NR3C2: variants seen among roughly 807,000 people sequenced by gnomAD.
NR3C2 encodes the protein mineralocorticoid receptor.
Under a neutral mutation model 86.4 loss-of-function variants are expected in NR3C2, and 15 were observed. The observed-to-expected ratio is 0.17, with a 90% confidence interval of 0.12 to 0.27. The LOEUF (loss-of-function observed/expected upper bound fraction) is 0.27. NR3C2 is among the 10% of genes least tolerant of loss of function. The pLI is 1.00. For synonymous variants in NR3C2, 458 were observed against 450.5 expected (o/e 1.02, Z -0.21); for missense variants, 960 against 1,195.6 (o/e 0.80, Z 2.91).
intron 4 of NR3C2, among the ~76,000 whole-genome samples, chr4:148,186,986 GTGTATGTATGTATATATATATATATATA>G (rs57525491): frequency 0.064 from 6,499 of 101,296 alleles, 666 homozygotes; most frequent in East Asian, 0.18. Context: ...ATACTGATGT[GTGTATGTATGTATATATATATATATATA>G]TATATATATA....
At chr4:148,246,029 T>C (rs1739297747) in intron 3 of NR3C2, among the ~76,000 whole-genome samples, 1 of 152,162 alleles carries the variant, frequency 6.6e-6, no homozygotes, top group African/African-American at 2.4e-5. Context: ...AATGAGTGGG[T>C]ACACACAATA....
chr4:148,380,899 T>G lies in NR3C2; in HGVS notation c.1757+54205A>C, dbSNP rs187868723. ...CATAATATTTAAAAATTATACACAC[T>G]GATATAAAATTTTATACACATATAA... On this transcript the variant is annotated intron_variant, in intron 2 of 8. Coordinates refer to ENST00000358102, the MANE Select transcript of NR3C2 (RefSeq NM_000901.5). Among the ~76,000 whole-genome samples, 25 of 152,324 alleles carry G rather than the reference T, an allele frequency of 1.6e-4. No homozygotes were observed. In the East Asian group the frequency reaches 4.8e-3, roughly 29 times the overall value.
At chr4:148,251,261 G>C (rs967086953) in intron 3 of NR3C2, among the ~76,000 whole-genome samples, 3 of 152,138 alleles carry the variant, frequency 2.0e-5, no homozygotes, top group African/African-American at 7.2e-5. Flanking sequence ...ACCCAACACA[G>C]TCTCCATCTA....
intron 2 of NR3C2, among the ~76,000 whole-genome samples, chr4:148,293,621 A>G (rs1345295396): frequency 6.6e-6 from 1 of 152,142 alleles, no homozygotes; most frequent in African/African-American, 2.4e-5. Context: ...TCACTATGAG[A>G]CATTTGTATT....
chr4:148,300,501 GTTTTTCTC>G (rs1364490492), intron 2 of NR3C2, among the ~76,000 whole-genome samples: 2 of 150,586 alleles, frequency 1.3e-5, no homozygotes, highest in Non-Finnish European at 3.0e-5. Flanking sequence ...AGGCCTTTAT[GTTTTTCTC>G]TTTTTGGATT....
At chr4:148,125,685 G>C (rs1732710625) in intron 6 of NR3C2, among the ~76,000 whole-genome samples, 1 of 151,974 alleles carries the variant, frequency 6.6e-6, no homozygotes, top group Admixed American at 6.6e-5. Context: ...CTTCAAGACA[G>C]GATCCATGTC....
intron 3 of NR3C2, among the ~76,000 whole-genome samples, chr4:148,246,776 C>T (rs1739335570): frequency 6.6e-6 from 1 of 152,154 alleles, no homozygotes; most frequent in Non-Finnish European, 1.5e-5. Flanking sequence ...TGGTCTCAAA[C>T]TCCTGGCCTC....
intron 2 of NR3C2, among the ~76,000 whole-genome samples, chr4:148,400,365 C>T (rs866144896): frequency 2.0e-5 from 3 of 151,934 alleles, no homozygotes; most frequent in Admixed American, 2.0e-4. Flanking sequence ...CTGTTTAAAA[C>T]CTAACAAAGT....
intron 2 of NR3C2, among the ~76,000 whole-genome samples, chr4:148,369,016 C>T (rs954520537): frequency 6.6e-6 from 1 of 152,178 alleles, no homozygotes; most frequent in Non-Finnish European, 1.5e-5. Flanking sequence ...CCATTAACTA[C>T]ATTCTGTAAA....
chr4:148,140,510 A>G (rs1733557414), intron 6 of NR3C2, among the ~76,000 whole-genome samples: 1 of 152,222 alleles, frequency 6.6e-6, no homozygotes, highest in South Asian at 2.1e-4. Flanking sequence ...CCTGGGCAAC[A>G]CAGTGAGACC....
intron 3 of NR3C2, among the ~76,000 whole-genome samples, chr4:148,238,141 G>T (rs750971530): frequency 2.6e-5 from 4 of 151,876 alleles, no homozygotes; most frequent in Non-Finnish European, 5.9e-5. Flanking sequence ...AGGCATCCTC[G>T]CTTAAGAAGC....
At chr4:148,394,746 C>A (rs76130242) in intron 2 of NR3C2, among the ~76,000 whole-genome samples, 2,674 of 152,114 alleles carry the variant, frequency 0.018, 81 homozygotes, top group African/African-American at 0.061. Flanking sequence ...TACACAGAAG[C>A]AGGAAAAATT....
intron 4 of NR3C2, among the ~76,000 whole-genome samples, chr4:148,186,990 ATGTATG>A (rs1242802661): frequency 0.11 from 1,673 of 15,270 alleles, 165 homozygotes; most frequent in African/African-American, 0.19. Flanking sequence ...TGATGTGTGT[ATGTATG>A]TATATATATA....
chr4:148,127,152 T>A (rs1430994389), intron 6 of NR3C2, among the ~76,000 whole-genome samples: 1 of 152,212 alleles, frequency 6.6e-6, no homozygotes, highest in Non-Finnish European at 1.5e-5. Flanking sequence ...GAGCACTCAA[T>A]ATAGCTTGAA....
chr4:148,169,758 G>A (rs916273760), intron 4 of NR3C2, among the ~76,000 whole-genome samples: 1 of 152,180 alleles, frequency 6.6e-6, no homozygotes, highest in African/African-American at 2.4e-5. Context: ...CTGGTCAATG[G>A]GTGATCTTCC....
chr4:148,378,819 A>G (rs970272123), intron 2 of NR3C2, among the ~76,000 whole-genome samples: 1 of 152,228 alleles, frequency 6.6e-6, no homozygotes, highest in Admixed American at 6.5e-5. Context: ...GTGCGAGAAC[A>G]GACTCATACA....
intron 2 of NR3C2, among the ~76,000 whole-genome samples, chr4:148,424,856 T>G (rs1406815097): frequency 6.6e-6 from 1 of 152,194 alleles, no homozygotes; most frequent in African/African-American, 2.4e-5. Flanking sequence ...AGACTACACA[T>G]TTCACAAAAC....
intron 3 of NR3C2, among the ~76,000 whole-genome samples, chr4:148,251,524 G>A (rs994852540): frequency 1.3e-5 from 2 of 152,190 alleles, no homozygotes; most frequent in African/African-American, 2.4e-5. Context: ...TAGGCACAGA[G>A]CAGACATCAA....
chr4:148,081,840 G>A (rs933082258), intron 8 of NR3C2, among the ~76,000 whole-genome samples: 7 of 152,216 alleles, frequency 4.6e-5, no homozygotes, highest in South Asian at 2.1e-4. Context: ...GTGCCTACAC[G>A]TGTATCTTTG....
Sources: gnomAD v4.1 joint callset for allele counts (sites outside exome capture counted in the v4.1 genomes callset) on GRCh38, gnomAD v4.1.1 for gene constraint, MANE v1.5 for transcripts, NCBI Gene and HGNC (gene_info 2026-07-23, HGNC 2026-07-21) for gene names.